COG3: variants seen among roughly 807,000 people sequenced by gnomAD.
COG3 encodes conserved oligomeric Golgi complex subunit 3.
A neutral mutation model predicts 114.1 loss-of-function variants in COG3; 32 were observed. The observed-to-expected ratio is 0.28, with a 90% CI of 0.21 to 0.38. The LOEUF (loss-of-function observed/expected upper bound fraction) is 0.38, where lower values mean the gene tolerates loss of function less well. Among genes scored for constraint, COG3 ranks in the 10% least tolerant of loss-of-function variants. COG3 has a pLI of 1.00. For missense variants in COG3, 813 were observed against 973.2 expected, an observed-to-expected ratio of 0.84 and a Z score of 2.19; for synonymous variants, 352 against 365.7, an observed-to-expected ratio of 0.96 and a Z score of 0.43.
chr13:45,530,017 G>T, intron 21 of COG3, 99 bp downstream of exon 21: 1 of 1,347,922 alleles, frequency 7.4e-7, no homozygotes, highest in South Asian at 1.6e-5. Flanking sequence ...TAGAAATGTT[G>T]GTATACTGTT....
chr13:45,486,044 C>T (rs1206517442), intron 7 of COG3, among the ~76,000 whole-genome samples: 1 of 106,758 alleles, frequency 9.4e-6, no homozygotes, highest in African/African-American at 5.0e-5. Context: ...GTGAACGAGA[C>T]TCCGTCTGCA....
chr13:45,465,903 C>A (rs1285534651), intron 1 of COG3: 1 of 152,218 alleles, frequency 6.6e-6, no homozygotes. Flanking sequence ...TTATGCACTA[C>A]TGCTTCTTGT....
chr13:45,482,510 C>A, intron 6 of COG3, 37 bp downstream of exon 6: 1 of 971,882 alleles, frequency 1.0e-6, no homozygotes, highest in South Asian at 1.5e-5. Context: ...TAAAGAAATC[C>A]TTAGATTCCT....
At chr13:45,520,290 AAAAAAT>A (rs1555299492) in intron 19 of COG3, among the ~76,000 whole-genome samples, 55 of 130,522 alleles carry the variant, frequency 4.2e-4, no homozygotes, top group African/African-American at 9.6e-4. Flanking sequence ...TGTCTCAAAA[AAAAAAT>A]AAAAATAAAA....
At chr13:45,515,826 T>G (rs1330569798) in intron 16 of COG3, among the ~76,000 whole-genome samples, 2 of 152,204 alleles carry the variant, frequency 1.3e-5, no homozygotes, top group East Asian at 3.8e-4. Flanking sequence ...TGGGCCACAG[T>G]TAGGCTGCAT....
intron 6 of COG3, 82 bp from the exon 7 acceptor site, chr13:45,483,148 A>T: frequency 1.0e-6 from 1 of 972,446 alleles, no homozygotes. Context: ...TGCTTTACAT[A>T]GGGACACCTT....
In COG3 at chr13:45,470,869, A is replaced by G. The variant is rs144472911; in HGVS notation, c.175-5332A>G. Among the ~76,000 whole-genome samples the G allele has an allele frequency of 4.4e-3, 666 of 152,342 alleles. 5 individuals are homozygous for G. Among genetic ancestry groups the G allele is most frequent in the African/African-American group, 0.016 (646 of 41,568 alleles). On this transcript the variant is annotated intron_variant, in intron 1 of 22. Coordinates refer to ENST00000349995, the MANE Select transcript of COG3 (RefSeq NM_031431.4). Reference sequence around the variant, plus strand: ...CTGACTTATGATGGTTCAGCTTATGACTTTCTGACTTTATGTGAAAGCTAC... The same window carrying G: ...CTGACTTATGATGGTTCAGCTTATGGCTTTCTGACTTTATGTGAAAGCTAC...
rs760539568 is a variant in COG3 at position 45,503,366 on chromosome 13, T to A, written c.1594+17T>A. ...CAAAATCTGGTATGTTATGATGTCT[T>A]AACTGCCAGCATTTATTCATTTGGG... On this transcript the variant is annotated intron_variant, in intron 14 of 22. Coordinates refer to ENST00000349995, the MANE Select transcript of COG3 (RefSeq NM_031431.4). The A allele has an allele frequency of 1.8e-5, 23 of 1,250,844 alleles. No individual in the cohort carries two copies. Among genetic ancestry groups the A allele is most frequent in the Middle Eastern group, 3.8e-4 (2 of 5,234 alleles). 77.5% of individuals were successfully genotyped at this position (1,250,844 alleles called of 1,614,324 possible).
In COG3 at chr13:45,534,950, T is replaced by G; in HGVS notation, c.*219T>G. 8.0e-7 allele frequency: 1 copy of G among 1,250,412 alleles called. No individual in the cohort carries two copies. Among genetic ancestry groups the G allele is most frequent in the Non-Finnish European group, 1.0e-6 (1 of 999,320 alleles). 77.5% of individuals were successfully genotyped at this position (1,250,412 alleles called of 1,614,324 possible). The stretch of plus-strand genomic sequence containing the variant: ...CAAAATGCCAAAGATTAATCTGTGA[T>G]TGGTGATAACTGCCTCGTTTAAATG... On this transcript the variant is annotated 3_prime_UTR_variant, in exon 23 of 23. Coordinates refer to ENST00000349995, the MANE Select transcript of COG3 (RefSeq NM_031431.4).
chr13:45,478,990 ACT>A lies in COG3; in HGVS notation c.322-12_322-11del. Reference sequence around the variant, plus strand: ...GTTTTAGTTTTGTTCACAATATAATACTCTGTTTTTCCAGTTTTTCTCATGGT... The same window carrying A: ...GTTTTAGTTTTGTTCACAATATAATACTGTTTTTCCAGTTTTTCTCATGGT... On this transcript the variant is annotated splice_polypyrimidine_tract_variant and intron_variant, in intron 2 of 22. Coordinates refer to ENST00000349995, the MANE Select transcript of COG3 (RefSeq NM_031431.4). 1 of 1,596,848 alleles carries A rather than the reference ACT, an allele frequency of 6.3e-7. No individual in the cohort carries two copies. Among genetic ancestry groups the A allele is most frequent in the Non-Finnish European group, 8.6e-7 (1 of 1,167,848 alleles).
At position 45,519,055 on chromosome 13, in the gene COG3, C is replaced by A. The variant is rs755404140; in HGVS notation, c.2115C>A (p.Thr705=). 1.9e-6 allele frequency: 3 copies of A among 1,614,188 alleles called. No individual in the cohort carries two copies. Among genetic ancestry groups the A allele is most frequent in the Non-Finnish European group, 2.5e-6 (3 of 1,180,020 alleles). ...SACEQFIQQQ[T]KLFVEQLEEF... ...GTGAGCAGTTTATTCAGCAGCAGAC[C>A]AAGCTGTTTGTAGAACAGCTGGAGG... The change falls in exon 19 of 23, where the codon ACC becomes ACA. Residue 705 remains threonine, a synonymous_variant. Coordinates refer to ENST00000349995, the MANE Select transcript of COG3 (RefSeq NM_031431.4).
intron 14 of COG3, among the ~76,000 whole-genome samples, chr13:45,509,281 G>A (rs1006051795): frequency 8.5e-5 from 13 of 152,130 alleles, no homozygotes; most frequent in Admixed American, 1.3e-4. Flanking sequence ...CTCATGATCC[G>A]CCTGCCTCGG....
At chr13:45,521,247 C>T (rs1298588031) in intron 19 of COG3, among the ~76,000 whole-genome samples, 2 of 152,250 alleles carry the variant, frequency 1.3e-5, no homozygotes, top group African/African-American at 2.4e-5. Flanking sequence ...ATGCTACATG[C>T]GTATAGCAGG....
chr13:45,472,375 T>C (rs1566239804), intron 1 of COG3, among the ~76,000 whole-genome samples: 2 of 152,154 alleles, frequency 1.3e-5, no homozygotes, highest in Admixed American at 6.5e-5. Context: ...CTTTCATTAT[T>C]TTTGGAATGT....
In COG3 at chr13:45,491,601, G is replaced by A. The variant is rs1887021441; in HGVS notation, c.1095+63G>A. On this transcript the variant is annotated intron_variant, in intron 10 of 22. Transcript: ENST00000349995. ...CCTCTTGAGTTATGTTGATATCCTAGAAACTATACCTGGTTAAATAAGATT... is the reference window on the plus strand; with the variant it reads ...CCTCTTGAGTTATGTTGATATCCTAAAAACTATACCTGGTTAAATAAGATT... 2.7e-6 allele frequency: 4 copies of A among 1,493,666 alleles called. No individual in the cohort carries two copies. The South Asian group carries it at 3.8e-5, about 14-fold the overall frequency. The allele number at this position is 1,493,666 out of a possible 1,614,324, so 92.5% of individuals were successfully genotyped here.
chr13:45,469,070 C>T (rs1885316254), intron 1 of COG3, among the ~76,000 whole-genome samples: 1 of 152,214 alleles, frequency 6.6e-6, no homozygotes, highest in East Asian at 1.9e-4. Flanking sequence ...TATGGCTTCT[C>T]TCTTGCTTGG....
intron 16 of COG3, among the ~76,000 whole-genome samples, chr13:45,515,461 T>G (rs1871439570): frequency 6.6e-6 from 1 of 152,234 alleles, no homozygotes; most frequent in South Asian, 2.1e-4. Context: ...CTCTTATTAA[T>G]ATACAAACTC....
chr13:45,534,718 T>C lies in COG3; in HGVS notation c.2474T>C (p.Leu825Ser), dbSNP rs3014902. The C allele has an allele frequency of 1, 1,564,963 of 1,565,524 alleles. 782,205 individuals carry two copies. Among genetic ancestry groups the C allele is most frequent in the East Asian group, 1 (42,902 of 42,902 alleles). The change falls in exon 23 of 23, where the codon TTG (leucine) becomes TCG (serine). Residue 825 changes from leucine to serine, a missense_variant. This residue lies in a region of COG3 where 389 missense variants were observed against 542.6 expected (regional missense o/e 0.72). Transcript: ENST00000349995. ...PSMEQLSLLL[L>S]VSK ...GCTTTTCAGCTGAGCCTTCTGCTGT[T>C]GGTTTCTAAATAAGCAGGCCAGCCG... is the stretch of plus-strand genomic sequence containing the variant.
At chr13:45,498,682 C>T (rs1336485777) in intron 13 of COG3, among the ~76,000 whole-genome samples, 1 of 149,878 alleles carries the variant, frequency 6.7e-6, no homozygotes, top group Non-Finnish European at 1.5e-5. Context: ...AAGTTTATTC[C>T]ATTCATCTTT....
Sources: gnomAD v4.1 joint callset for allele counts (sites outside exome capture counted in the v4.1 genomes callset) on GRCh38, gnomAD v4.1.1 for gene constraint, gnomAD v4.1.1 regional missense constraint, MANE v1.5 for transcripts, NCBI Gene and HGNC (gene_info 2026-07-23, HGNC 2026-07-21) for gene names.